Variants in NLGN1 observed in about 807,000 individuals in gnomAD.
NLGN1 encodes the protein neuroligin 1, also known as neuroligin-1.
NLGN1 carries 12 observed loss-of-function variants against 65.5 expected under a neutral mutation model. That is an observed-to-expected ratio of 0.18 (90% CI 0.12 to 0.30). The LOEUF is 0.30. Among genes scored for constraint, NLGN1 ranks in the 10% least tolerant of loss-of-function variants. The pLI, the probability that NLGN1 is intolerant of heterozygous loss-of-function variation, is 1.00. For missense variants in NLGN1, 750 were observed against 1,007.1 expected (o/e 0.74, Z 3.46); for synonymous variants, 350 against 359.5 (o/e 0.97, Z 0.30).
chr3:174,079,536 C>G (rs938481929), intron 4 of NLGN1, among the ~76,000 whole-genome samples: 1 of 152,114 alleles, frequency 6.6e-6, no homozygotes. Context: ...AATCCCGTTA[C>G]TGGGTGTATA....
chr3:174,162,849 C>G (rs1391665586), intron 4 of NLGN1, among the ~76,000 whole-genome samples: 1 of 151,342 alleles, frequency 6.6e-6, no homozygotes, highest in African/African-American at 2.4e-5. Flanking sequence ...GAAAAAAAAT[C>G]GCTTTAATTC....
At chr3:173,529,291 G>A (rs895395502) in intron 2 of NLGN1, among the ~76,000 whole-genome samples, 1 of 152,090 alleles carries the variant, frequency 6.6e-6, no homozygotes, top group Non-Finnish European at 1.5e-5. Context: ...AGCCAGCAGC[G>A]CAAAAGCAGG....
At chr3:174,149,866 A>T (rs117321221) in intron 4 of NLGN1, among the ~76,000 whole-genome samples, 1 of 152,234 alleles carries the variant, frequency 6.6e-6, no homozygotes, top group East Asian at 1.9e-4. Context: ...GAAAAAAAGG[A>T]AAACAAGCTG....
At chr3:173,442,395 G>C (rs1719369414) in intron 2 of NLGN1, among the ~76,000 whole-genome samples, 1 of 151,940 alleles carries the variant, frequency 6.6e-6, no homozygotes, top group Non-Finnish European at 1.5e-5. Flanking sequence ...AGTTAAATTG[G>C]TTTCATCTCT....
intron 4 of NLGN1, among the ~76,000 whole-genome samples, chr3:174,115,422 C>G (rs1716180897): frequency 6.6e-6 from 1 of 152,170 alleles, no homozygotes; most frequent in Non-Finnish European, 1.5e-5. Flanking sequence ...ATCCCTGGTT[C>G]TCCATGTCAC....
At chr3:173,942,864 C>T (rs1746406628) in intron 4 of NLGN1, among the ~76,000 whole-genome samples, 2 of 152,128 alleles carry the variant, frequency 1.3e-5, no homozygotes, top group South Asian at 4.1e-4. Context: ...TTTAATTAAA[C>T]ATACAATTTA....
At chr3:173,464,934 A>G (rs1453854143) in intron 2 of NLGN1, among the ~76,000 whole-genome samples, 1 of 152,126 alleles carries the variant, frequency 6.6e-6, no homozygotes, top group Non-Finnish European at 1.5e-5. Flanking sequence ...AGACAGTGGA[A>G]TATTGGTTTT....
chr3:174,080,259 C>T (rs989804489), intron 4 of NLGN1, among the ~76,000 whole-genome samples: 5 of 152,054 alleles, frequency 3.3e-5, no homozygotes, highest in African/African-American at 4.8e-5. Context: ...GCAGCAAATC[C>T]GTACGGGTCT....
At chr3:173,963,381 G>T (rs1369502183) in intron 4 of NLGN1, among the ~76,000 whole-genome samples, 1 of 152,068 alleles carries the variant, frequency 6.6e-6, no homozygotes, top group African/African-American at 2.4e-5. Flanking sequence ...GGAGCAAAAC[G>T]CATAAGAAAA....
chr3:173,973,357 C>G (rs887646882), intron 4 of NLGN1, among the ~76,000 whole-genome samples: 1 of 152,092 alleles, frequency 6.6e-6, no homozygotes, highest in Non-Finnish European at 1.5e-5. Context: ...CCCAGGAGTC[C>G]TGTTGTCTTT....
At chr3:173,604,388 G>T in exon 3 of NLGN1, 2 of 620,448 alleles carry the variant, frequency 3.2e-6, no homozygotes, top group Non-Finnish European at 2.9e-6. Flanking sequence ...ATAGGATATG[G>T]TCTGATAAAT....
chr3:173,515,983 A>G (rs557238438), intron 2 of NLGN1, among the ~76,000 whole-genome samples: 1 of 151,678 alleles, frequency 6.6e-6, no homozygotes, highest in Non-Finnish European at 1.5e-5. Flanking sequence ...AATTTTATCA[A>G]TTTTTTTCTA....
chr3:174,219,389 G>A (rs1738222520), intron 4 of NLGN1, among the ~76,000 whole-genome samples: 1 of 152,042 alleles, frequency 6.6e-6, no homozygotes, highest in Admixed American at 6.6e-5. Flanking sequence ...GCTGCATTGA[G>A]TTGTTGTTAG....
At chr3:174,157,526 A>T (rs1725671892) in intron 4 of NLGN1, among the ~76,000 whole-genome samples, 1 of 151,696 alleles carries the variant, frequency 6.6e-6, no homozygotes, top group African/African-American at 2.4e-5. Context: ...ACGATAGTTG[A>T]CGTAACCCCC....
intron 2 of NLGN1, among the ~76,000 whole-genome samples, chr3:173,458,794 T>G (rs1437780657): frequency 4.6e-5 from 7 of 152,140 alleles, no homozygotes; most frequent in African/African-American, 1.7e-4. Context: ...ATTCAGCAAT[T>G]CAGGGATGTT....
chr3:173,718,616 A>G (rs998833568), intron 3 of NLGN1, among the ~76,000 whole-genome samples: 5 of 152,174 alleles, frequency 3.3e-5, no homozygotes, highest in African/African-American at 1.2e-4. Flanking sequence ...GTAAAAATCT[A>G]TGACTGACTA....
At chr3:174,162,057 G>T (rs1049497060) in intron 4 of NLGN1, among the ~76,000 whole-genome samples, 1 of 151,544 alleles carries the variant, frequency 6.6e-6, no homozygotes, top group African/African-American at 2.4e-5. Flanking sequence ...TAACTCCTGG[G>T]GTAGTTACAT....
At chr3:173,907,152 G>A (rs2152207251) in intron 4 of NLGN1, among the ~76,000 whole-genome samples, 1 of 152,268 alleles carries the variant, frequency 6.6e-6, no homozygotes, top group Admixed American at 6.5e-5. Context: ...AGGCAGGAAA[G>A]AGTCAAAACT....
intron 4 of NLGN1, among the ~76,000 whole-genome samples, chr3:174,185,340 T>C (rs1731191703): frequency 6.6e-6 from 1 of 152,174 alleles, no homozygotes; most frequent in Non-Finnish European, 1.5e-5. Context: ...CTTTCTGTGA[T>C]TATAGAAATA....
Sources: gnomAD v4.1 joint callset for allele counts (sites outside exome capture counted in the v4.1 genomes callset) on GRCh38, gnomAD v4.1.1 for gene constraint, MANE v1.5 for transcripts, NCBI Gene and HGNC (gene_info 2026-07-23, HGNC 2026-07-21) for gene names.